Variants in CHD2 observed in about 807,000 individuals in gnomAD.
The protein encoded by CHD2 is ATP-dependent chromatin remodeler CHD2.
CHD2 carries 28 observed loss-of-function variants against 243.9 expected under a neutral mutation model. That is an observed-to-expected ratio of 0.11 (90% CI 0.09 to 0.16). The LOEUF (loss-of-function observed/expected upper bound fraction) is 0.16. CHD2 is among the 10% of genes least tolerant of loss of function. The pLI, the probability that CHD2 is intolerant of heterozygous loss-of-function variation, is 1.00. For missense variants in CHD2, 1,386 were observed against 2,209.8 expected (o/e 0.63, Z 7.47); for synonymous variants, 775 against 779.0 (o/e 0.99, Z 0.09).
At position 92,949,041 on chromosome 15, in the gene CHD2, A is replaced by G. The variant is rs2141802553; in HGVS notation, c.1467A>G (p.Leu489=). 6.2e-7 allele frequency: 1 copy of G among 1,614,138 alleles called. No homozygotes were observed. The highest frequency in any genetic ancestry group is 8.5e-7 in the Non-Finnish European group (1 of 1,179,978). The change falls in exon 13 of 39, where the codon CTA becomes CTG. Residue 489 remains leucine, a synonymous_variant. Transcript: ENST00000394196. ...GENLELRDYQ[L]EGLNWLAHSW... is the part of the protein sequence containing the mutation. ...ATCTGGAACTTCGAGATTATCAGCT[A>G]GAAGGTCTAAACTGGCTAGCTCATT...
chr15:92,961,023 C>T (rs535446065), intron 16 of CHD2, among the ~76,000 whole-genome samples: 2 of 151,934 alleles, frequency 1.3e-5, no homozygotes, highest in South Asian at 4.2e-4. Context: ...TGTGCCTGGC[C>T]GCATTTGTGT....
intron 5 of CHD2, among the ~76,000 whole-genome samples, chr15:92,937,290 A>G (rs765150005): frequency 1.3e-4 from 20 of 152,136 alleles, no homozygotes; most frequent in African/African-American, 4.8e-4. Context: ...AAGTACATAT[A>G]TATCCATTTT....
At chr15:92,992,761 T>G (rs1596444042) in intron 27 of CHD2, 98 bp from the exon 28 acceptor site, 1 of 1,478,340 alleles carries the variant, frequency 6.8e-7, no homozygotes, top group East Asian at 2.3e-5. Flanking sequence ...AAAAGTGTCT[T>G]TGCAGGAGAA....
chr15:92,948,484 A>G (rs1341581071), intron 12 of CHD2, among the ~76,000 whole-genome samples: 1 of 152,178 alleles, frequency 6.6e-6, no homozygotes, highest in South Asian at 2.1e-4. Flanking sequence ...TGGCTTATGG[A>G]ATATTAACCA....
In CHD2 at chr15:92,998,188, A is replaced by G; in HGVS notation, c.3886-311A>G. ...TGCTCCTGGAAGGAGGAAATCCACG[A>G]CGGCTGGGATGCTCTAGCAGATGAA... On this transcript the variant is annotated intron_variant, in intron 30 of 38. Transcript: ENST00000394196. The surrounding 1 kb of genome is among the most constrained non-coding windows in gnomAD (Gnocchi z 5.1). 9.5e-7 allele frequency: 1 copy of G among 1,049,450 alleles called. No individual in the cohort carries two copies. Among genetic ancestry groups the G allele is most frequent in the South Asian group, 4.0e-5 (1 of 24,734 alleles). 65.0% of individuals were successfully genotyped at this position (1,049,450 alleles called of 1,614,324 possible).
At chr15:93,015,532 A>G (rs1401442304) in intron 37 of CHD2, among the ~76,000 whole-genome samples, 1 of 138,684 alleles carries the variant, frequency 7.2e-6, no homozygotes, top group Non-Finnish European at 1.6e-5. Context: ...ACAAAACAAT[A>G]ACTGAATAGA....
intron 2 of CHD2, chr15:92,904,578 T>C (rs1363321049): frequency 9.7e-7 from 1 of 1,034,188 alleles, no homozygotes; most frequent in Non-Finnish European, 1.2e-6. Flanking sequence ...TGTCCGCCCT[T>C]GCCTGTAGCG....
intron 13 of CHD2, among the ~76,000 whole-genome samples, chr15:92,949,861 C>T (rs1005722982): frequency 1.3e-5 from 2 of 152,246 alleles, no homozygotes; most frequent in East Asian, 1.9e-4. Flanking sequence ...GAGAGCACAC[C>T]GAACAAAGAA....
At chr15:92,961,506 C>G (rs1371683100) in intron 16 of CHD2, among the ~76,000 whole-genome samples, 3 of 152,102 alleles carry the variant, frequency 2.0e-5, no homozygotes. Flanking sequence ...CTCAAGGGAT[C>G]CTCCCACTTC....
chr15:92,946,548 A>C, intron 12 of CHD2: 1 of 158,372 alleles, frequency 6.3e-6, no homozygotes, highest in Non-Finnish European at 1.4e-5. Flanking sequence ...GTGCACTGGC[A>C]CTATCTTGGC....
chr15:92,972,546 G>A, intron 19 of CHD2, 129 bp downstream of exon 19: 3 of 864,468 alleles, frequency 3.5e-6, no homozygotes, highest in Non-Finnish European at 5.0e-6. Flanking sequence ...TTGTTTCAAA[G>A]AAGTTAAGGT....
intron 37 of CHD2, among the ~76,000 whole-genome samples, chr15:93,017,586 A>T (rs916660304): frequency 1.3e-4 from 18 of 141,820 alleles, no homozygotes; most frequent in African/African-American, 4.8e-4. Flanking sequence ...ACCTCAGGTG[A>T]TCCATTCGCC....
At chr15:92,996,386 TC>T (rs533431631) in intron 28 of CHD2, among the ~76,000 whole-genome samples, 28 of 152,146 alleles carry the variant, frequency 1.8e-4, no homozygotes, top group Middle Eastern at 3.4e-3. Flanking sequence ...GGTCTCGATC[TC>T]CTGACCTCGT....
In CHD2 at chr15:92,924,310, C is replaced by T; in HGVS notation, c.63-11C>T. The T allele has an allele frequency of 6.2e-7, 1 of 1,610,096 alleles. No homozygotes were observed. The highest frequency in any genetic ancestry group is 8.5e-7 in the Non-Finnish European group (1 of 1,177,096). ...TAAATATTTTTAAATCTCTCTCTCT[C>T]TCAAAATAAGTCACTCAGCCTCTGA... On this transcript the variant is annotated splice_polypyrimidine_tract_variant and intron_variant, in intron 2 of 38. Coordinates refer to ENST00000394196, the MANE Select transcript of CHD2 (RefSeq NM_001271.4).
Position 92,956,669 on chromosome 15 carries a change from T to C in CHD2, c.2000+20T>C, listed in dbSNP as rs1353881759. On this transcript the variant is annotated intron_variant, in intron 16 of 38. Coordinates refer to ENST00000394196, the MANE Select transcript of CHD2 (RefSeq NM_001271.4). ...GGAGAAGTAAGCTCCTTCCTGTGTA[T>C]TTCAAAAGATGCTAGAATGTCTGAA... is the stretch of plus-strand genomic sequence containing the variant. The C allele has an allele frequency of 1.3e-6, 2 of 1,589,698 alleles. No individual in the cohort carries two copies. The highest frequency in any genetic ancestry group is 1.7e-6 in the Non-Finnish European group (2 of 1,171,384).
At chr15:92,980,048 T>TGTTTGTTC (rs2053958656) in intron 22 of CHD2, among the ~76,000 whole-genome samples, 1 of 151,282 alleles carries the variant, frequency 6.6e-6, no homozygotes, top group South Asian at 2.1e-4. Flanking sequence ...TTTGTTTGTT[T>TGTTTGTTC]GTTTGTTTGT....
chr15:92,935,137 G>T (rs967303772), intron 5 of CHD2, among the ~76,000 whole-genome samples: 2 of 150,738 alleles, frequency 1.3e-5, no homozygotes, highest in Admixed American at 6.6e-5. Flanking sequence ...CCGGGTTCAC[G>T]CCATTCTCCT....
At chr15:92,982,451 C>G (rs1428733015) in intron 24 of CHD2, among the ~76,000 whole-genome samples, 1 of 152,152 alleles carries the variant, frequency 6.6e-6, no homozygotes, top group Non-Finnish European at 1.5e-5. Context: ...ATATGACTTT[C>G]TCCAGCAATA....
At chr15:93,019,911 C>T (rs1425661588) in intron 37 of CHD2, 101 bp from the exon 38 acceptor site, 2 of 1,401,868 alleles carry the variant, frequency 1.4e-6, no homozygotes, top group Non-Finnish European at 1.9e-6. Context: ...CCAGCCTGGG[C>T]AAACAGAGCA....
Sources: gnomAD v4.1 joint callset for allele counts (sites outside exome capture counted in the v4.1 genomes callset) on GRCh38, gnomAD v4.1.1 for gene constraint, Gnocchi (gnomAD v3.1) non-coding constraint, MANE v1.5 for transcripts, NCBI Gene and HGNC (gene_info 2026-07-23, HGNC 2026-07-21) for gene names.